The following LPA variants were observed in gnomAD, a reference collection of about 807,000 sequenced individuals.
The protein encoded by LPA is lipoprotein(a).
A neutral mutation model predicts 197.9 loss-of-function variants in LPA; 199 were observed. That is an observed-to-expected ratio of 1.01 (90% CI 0.90 to 1.13). The LOEUF is 1.13. Among genes scored for constraint, LPA ranks in the 50% most tolerant of loss-of-function variants. The pLI is 0.00. For synonymous variants in LPA, 715 were observed against 639.5 expected (o/e 1.12, Z -1.78); for missense variants, 1,853 against 1,785.8 (o/e 1.04, Z -0.68).
intron 1 of LPA, among the ~76,000 whole-genome samples, chr6:160,656,042 G>A (rs1157005731): frequency 6.6e-6 from 1 of 152,210 alleles, no homozygotes; most frequent in Admixed American, 6.5e-5. Flanking sequence ...GTGTTAATTT[G>A]CTCAAGCAAC....
At chr6:160,610,022 G>C (rs891565063) in intron 16 of LPA, among the ~76,000 whole-genome samples, 4 of 151,936 alleles carry the variant, frequency 2.6e-5, no homozygotes, top group Non-Finnish European at 5.9e-5. Flanking sequence ...TATGATACCT[G>C]CTTTGTTGCA....
intron 28 of LPA, among the ~76,000 whole-genome samples, chr6:160,560,699 G>T (rs1778346315): frequency 6.6e-6 from 1 of 151,888 alleles, no homozygotes; most frequent in African/African-American, 2.4e-5. Flanking sequence ...CCCTTTGTCA[G>T]ATGGCTAGAC....
chr6:160,555,286 T>TATATG (rs1562319812), intron 30 of LPA, among the ~76,000 whole-genome samples: 1 of 108,862 alleles, frequency 9.2e-6, no homozygotes, highest in East Asian at 2.2e-4. Flanking sequence ...TATATTATAT[T>TATATG]ATATGTTAGT....
At chr6:160,607,536 C>T (rs576502563) in intron 16 of LPA, among the ~76,000 whole-genome samples, 1 of 152,050 alleles carries the variant, frequency 6.6e-6, no homozygotes, top group East Asian at 1.9e-4. Context: ...CATTAGGGGG[C>T]AAAGCAGGTA....
At chr6:160,563,724 T>A (rs933045959) in intron 28 of LPA, among the ~76,000 whole-genome samples, 4 of 152,232 alleles carry the variant, frequency 2.6e-5, no homozygotes, top group Admixed American at 1.3e-4. Context: ...CTCTAAGAAC[T>A]TGCTTTATTA....
intron 25 of LPA, 137 bp downstream of exon 25, chr6:160,586,312 G>A (rs1778908404): frequency 4.0e-6 from 4 of 1,006,104 alleles, no homozygotes; most frequent in Middle Eastern, 2.8e-4. Flanking sequence ...AGGCACTGAA[G>A]CTTCCTTCCC....
intron 2 of LPA, among the ~76,000 whole-genome samples, chr6:160,647,597 G>T (rs759972774): frequency 1.3e-4 from 20 of 151,878 alleles, no homozygotes; most frequent in Non-Finnish European, 2.2e-4. Flanking sequence ...ATAAAATATT[G>T]TTATTATACA....
chr6:160,611,067 C>T (rs1216424568), intron 16 of LPA, among the ~76,000 whole-genome samples: 1 of 152,056 alleles, frequency 6.6e-6, no homozygotes, highest in Admixed American at 6.5e-5. Flanking sequence ...TTTCAGGCCA[C>T]TGGTACTTAG....
chr6:160,598,717 T>A (rs929661405), intron 20 of LPA, among the ~76,000 whole-genome samples: 8 of 152,126 alleles, frequency 5.3e-5, no homozygotes, highest in African/African-American at 1.9e-4. Flanking sequence ...GCAGACCGTA[T>A]CTCTTCAGAC....
At chr6:160,598,871 G>A (rs775029950) in intron 20 of LPA, among the ~76,000 whole-genome samples, 3 of 152,200 alleles carry the variant, frequency 2.0e-5, no homozygotes, top group African/African-American at 4.8e-5. Context: ...TCAGGGACTA[G>A]AGCTTAGAAT....
At chr6:160,576,326 G>GCA (rs1415882538) in intron 28 of LPA, among the ~76,000 whole-genome samples, 2 of 33,624 alleles carry the variant, frequency 5.9e-5, no homozygotes, top group African/African-American at 2.6e-4. Flanking sequence ...ATGTATGTGT[G>GCA]TGTGTGTGTG....
intron 36 of LPA, 133 bp from the exon 37 acceptor site, chr6:160,538,094 T>C: frequency 1.4e-6 from 1 of 737,496 alleles, no homozygotes; most frequent in South Asian, 1.5e-5. Context: ...CACAGAACAA[T>C]GTAGAACACA....
At chr6:160,655,091 T>G (rs945462178) in intron 1 of LPA, among the ~76,000 whole-genome samples, 1 of 152,196 alleles carries the variant, frequency 6.6e-6, no homozygotes, top group Non-Finnish European at 1.5e-5. Context: ...GATGATGAAA[T>G]GCCGCTGTGC....
rs1021385048 is a variant in LPA, at chr6:160,599,433, G to A, written c.3287+67C>T. 2.1e-5 allele frequency: 33 copies of A among 1,598,184 alleles called. No individual in the cohort carries two copies. The Admixed American group carries it at 3.0e-4, about 15-fold the overall frequency. On this transcript the variant is annotated intron_variant, in intron 20 of 38. Transcript: ENST00000316300. ...TTGAGTCCTGAGCAGTCACCTTGAAGCATGACTCTTCTAACAGAAACTTCC... is the reference window on the plus strand; with the variant it reads ...TTGAGTCCTGAGCAGTCACCTTGAAACATGACTCTTCTAACAGAAACTTCC...
At chr6:160,657,642 C>T (rs1780154465) in intron 1 of LPA, among the ~76,000 whole-genome samples, 1 of 152,084 alleles carries the variant, frequency 6.6e-6, no homozygotes, top group Non-Finnish European at 1.5e-5. Context: ...CGTGATCTGC[C>T]CGCCCCCGCC....
At chr6:160,536,598 C>G (rs58787790) in intron 37 of LPA, among the ~76,000 whole-genome samples, 3,157 of 152,226 alleles carry the variant, frequency 0.021, 108 homozygotes, top group African/African-American at 0.072. Context: ...TTCTCTGAGC[C>G]CCAGCTTCCT....
Position 160,589,620 on chromosome 6 carries a change from T to A in LPA, c.3880A>T (p.Thr1294Ser). Residue 1294 changes from threonine to serine, a missense_variant, in exon 24 of 39, where the codon ACA becomes TCA. This residue lies in a region of LPA where 1,737 missense variants were observed against 1,504.4 expected (regional missense o/e 1.15). Coordinates refer to ENST00000316300, the MANE Select transcript of LPA (RefSeq NM_005577.4). ...GSFSTTVTGR[T>S]CQSWSSMTPH... ...GTCATAGAGGACCAAGACTGACATGTCCTTCCTGTAACAGTGGTGGAGAAT... is the reference window on the plus strand; with the variant it reads ...GTCATAGAGGACCAAGACTGACATGACCTTCCTGTAACAGTGGTGGAGAAT... The A allele has an allele frequency of 6.2e-7, 1 of 1,613,982 alleles. No homozygotes were observed. Among genetic ancestry groups the A allele is most frequent in the Non-Finnish European group, 8.5e-7 (1 of 1,179,880 alleles).
intron 28 of LPA, among the ~76,000 whole-genome samples, chr6:160,565,043 G>T (rs1299208026): frequency 4.6e-5 from 7 of 152,220 alleles, no homozygotes; most frequent in Admixed American, 3.9e-4. Flanking sequence ...ACTGGGTGGA[G>T]CCCACCACAG....
chr6:160,599,200 G>A (rs569226125), intron 20 of LPA, among the ~76,000 whole-genome samples: 3 of 152,108 alleles, frequency 2.0e-5, no homozygotes, highest in Non-Finnish European at 2.9e-5. Flanking sequence ...AAAATTAGCC[G>A]GGTGTGGTGG....
Sources: gnomAD v4.1 joint callset for allele counts (sites outside exome capture counted in the v4.1 genomes callset) on GRCh38, gnomAD v4.1.1 for gene constraint, gnomAD v4.1.1 regional missense constraint, MANE v1.5 for transcripts, NCBI Gene and HGNC (gene_info 2026-07-23, HGNC 2026-07-21) for gene names.